Variants in SLC35F1 observed in about 807,000 individuals in gnomAD.
The protein encoded by SLC35F1 is solute carrier family 35 member F1.
Under a neutral mutation model 48.7 loss-of-function variants are expected in SLC35F1, and 14 were observed. The observed-to-expected ratio is 0.29, with a 90% confidence interval of 0.19 to 0.45. The LOEUF (loss-of-function observed/expected upper bound fraction) is 0.45, where lower values mean the gene tolerates loss of function less well. Among genes scored for constraint, SLC35F1 ranks in the 20% least tolerant of loss-of-function variants. The pLI, the probability that SLC35F1 is intolerant of heterozygous loss-of-function variation, is 1.00. For synonymous variants in SLC35F1, 190 were observed against 202.2 expected (o/e 0.94, Z 0.51); for missense variants, 404 against 500.0 (o/e 0.81, Z 1.83).
In SLC35F1 at chr6:118,226,543, CTA is replaced by C. The variant is rs375331810; in HGVS notation, c.350-8964_350-8963del. ...TTCAGCCACTAAAAGGAATGAAATC[CTA>C]TCATTTGCAACAACATGGATGGAAC... On this transcript the variant is annotated intron_variant, in intron 2 of 7. Coordinates refer to ENST00000360388, the MANE Select transcript of SLC35F1 (RefSeq NM_001029858.4). 4.5e-4 allele frequency among the ~76,000 whole-genome samples: 68 copies of C among 152,024 alleles called. No homozygotes were observed. The South Asian group carries it at 0.013, about 28-fold the overall frequency.
At chr6:118,152,666 T>C (rs960188159) in intron 1 of SLC35F1, among the ~76,000 whole-genome samples, 2 of 152,202 alleles carry the variant, frequency 1.3e-5, no homozygotes, top group East Asian at 3.8e-4. Flanking sequence ...TGTAGAGCTT[T>C]GTAAGGCTTA....
At chr6:118,013,936 G>A (rs180828905) in intron 1 of SLC35F1, among the ~76,000 whole-genome samples, 1 of 152,280 alleles carries the variant, frequency 6.6e-6, no homozygotes, top group East Asian at 1.9e-4. Context: ...CTAATACAGT[G>A]TTGGGTGTTA....
rs567000649 is a variant in SLC35F1, at chr6:118,100,923, A to G, written c.174-53522A>G. 7.2e-5 allele frequency among the ~76,000 whole-genome samples: 11 copies of G among 152,304 alleles called. No individual in the cohort carries two copies. In the East Asian group the frequency reaches 1.9e-3, roughly 27 times the overall value. ...ATTAGTTGTGGTCCAGGGCCCCACC[A>G]TGAATAACAAGGCACTCCAGTCACT... On this transcript the variant is annotated intron_variant, in intron 1 of 7. Transcript: ENST00000360388.
chr6:117,922,331 C>G (rs551872419), intron 1 of SLC35F1, among the ~76,000 whole-genome samples: 142 of 152,236 alleles, frequency 9.3e-4, no homozygotes, highest in African/African-American at 3.2e-3. Flanking sequence ...ACAAGTTCTA[C>G]CAGTTAGATA....
At chr6:118,268,584 G>GTATATATATATATATATATA (rs1183493675) in intron 4 of SLC35F1, among the ~76,000 whole-genome samples, 19 of 67,268 alleles carry the variant, frequency 2.8e-4, no homozygotes, top group South Asian at 4.7e-4. Flanking sequence ...TCATATATAT[G>GTATATATATATATATATATA]TATATATATA....
intron 2 of SLC35F1, among the ~76,000 whole-genome samples, chr6:118,212,718 G>GA (rs1252047462): frequency 3.2e-4 from 40 of 126,096 alleles, no homozygotes; most frequent in African/African-American, 1.1e-3. Flanking sequence ...GGAAAGGAAG[G>GA]AAGGAAGGAA....
At chr6:117,928,907 T>G (rs1776063909) in intron 1 of SLC35F1, among the ~76,000 whole-genome samples, 1 of 152,144 alleles carries the variant, frequency 6.6e-6, no homozygotes, top group South Asian at 2.1e-4. Flanking sequence ...TATTTATAGT[T>G]TCTATTGAAT....
At chr6:117,962,378 T>C (rs987074031) in intron 1 of SLC35F1, among the ~76,000 whole-genome samples, 1 of 152,216 alleles carries the variant, frequency 6.6e-6, no homozygotes, top group Non-Finnish European at 1.5e-5. Context: ...CCTTCACTTA[T>C]TAAAACTTCC....
At chr6:118,074,030 C>A (rs544602402) in intron 1 of SLC35F1, among the ~76,000 whole-genome samples, 1 of 152,134 alleles carries the variant, frequency 6.6e-6, no homozygotes, top group Non-Finnish European at 1.5e-5. Context: ...AACTCAATTA[C>A]TTTAGCTTTT....
intron 7 of SLC35F1, among the ~76,000 whole-genome samples, chr6:118,302,428 G>A (rs1776264744): frequency 6.6e-6 from 1 of 152,140 alleles, no homozygotes; most frequent in South Asian, 2.1e-4. Context: ...CATATATCCA[G>A]AGAAAAGAGA....
intron 2 of SLC35F1, among the ~76,000 whole-genome samples, chr6:118,217,238 C>CCAT (rs1474834377): frequency 6.6e-6 from 1 of 152,078 alleles, no homozygotes; most frequent in Non-Finnish European, 1.5e-5. Flanking sequence ...ACTCAAGTGT[C>CCAT]CATCAGTAAA....
intron 1 of SLC35F1, among the ~76,000 whole-genome samples, chr6:118,060,407 TA>T (rs2114272312): frequency 6.6e-6 from 1 of 152,082 alleles, no homozygotes; most frequent in African/African-American, 2.4e-5. Context: ...TGTCATCATT[TA>T]AATATGTATA....
At chr6:118,232,568 A>AT (rs1211292833) in intron 2 of SLC35F1, among the ~76,000 whole-genome samples, 1 of 148,720 alleles carries the variant, frequency 6.7e-6, no homozygotes, top group Non-Finnish European at 1.5e-5. Flanking sequence ...AAAAAAAAAA[A>AT]GGTGTTAAGG....
At chr6:118,229,006 C>T (rs1274869832) in intron 2 of SLC35F1, among the ~76,000 whole-genome samples, 8 of 151,438 alleles carry the variant, frequency 5.3e-5, no homozygotes, top group Non-Finnish European at 1.2e-4. Flanking sequence ...TTATTATATA[C>T]TCAGACTACC....
chr6:118,244,184 C>G (rs1775477007), intron 3 of SLC35F1, among the ~76,000 whole-genome samples: 2 of 152,238 alleles, frequency 1.3e-5, no homozygotes, highest in South Asian at 2.1e-4. Flanking sequence ...CCCATTCCTA[C>G]ACCATCTTTA....
In SLC35F1 at chr6:117,941,797, C is replaced by T. The variant is rs561724133; in HGVS notation, c.173+33898C>T. 2.6e-4 allele frequency among the ~76,000 whole-genome samples: 40 copies of T among 152,206 alleles called. 1 individual carries two copies. Among genetic ancestry groups the T allele is most frequent in the African/African-American group, 8.2e-4 (34 of 41,534 alleles). Reference sequence around the variant, plus strand: ...GTTTCTTGTTTACTTGAAGCTTTTCCGAAAGAAAACAGTCCTGCTCCCCCA... The same window carrying T: ...GTTTCTTGTTTACTTGAAGCTTTTCTGAAAGAAAACAGTCCTGCTCCCCCA... On this transcript the variant is annotated intron_variant, in intron 1 of 7. Coordinates refer to ENST00000360388, the MANE Select transcript of SLC35F1 (RefSeq NM_001029858.4).
At chr6:118,217,090 T>C (rs1006130974) in intron 2 of SLC35F1, among the ~76,000 whole-genome samples, 1 of 152,210 alleles carries the variant, frequency 6.6e-6, no homozygotes, top group Non-Finnish European at 1.5e-5. Context: ...CTTCACATGA[T>C]TTATTTATAA....
intron 1 of SLC35F1, among the ~76,000 whole-genome samples, chr6:117,923,720 T>TATACATATATGTACATATACAC (rs1582564729): frequency 0.091 from 533 of 5,840 alleles, 171 homozygotes; most frequent in South Asian, 0.2. Context: ...CATATATACA[T>TATACATATATGTACATATACAC]ATATACATAT....
chr6:118,127,865 G>C (rs1490819010), intron 1 of SLC35F1, among the ~76,000 whole-genome samples: 2 of 151,346 alleles, frequency 1.3e-5, no homozygotes, highest in Non-Finnish European at 3.0e-5. Flanking sequence ...CCATCAGAGT[G>C]AACAGGCAAC....
Sources: gnomAD v4.1 joint callset for allele counts (sites outside exome capture counted in the v4.1 genomes callset) on GRCh38, gnomAD v4.1.1 for gene constraint, MANE v1.5 for transcripts, NCBI Gene and HGNC (gene_info 2026-07-23, HGNC 2026-07-21) for gene names.